Variants in EXOC6 observed in about 807,000 individuals in gnomAD.
EXOC6 encodes the protein SEC15-like 1.
Under a neutral mutation model 112.5 loss-of-function variants are expected in EXOC6, and 60 were observed. The observed-to-expected ratio is 0.53, with a 90% CI of 0.43 to 0.66. EXOC6 has a LOEUF of 0.66. Ranked by LOEUF, EXOC6 falls within the 30% of genes least tolerant of loss-of-function variation. The probability of loss-of-function intolerance (pLI) is 0.00; values close to 1 mark genes in which losing one functional copy is unlikely to be tolerated. For synonymous variants in EXOC6, 295 were observed against 308.0 expected (o/e 0.96, Z 0.44); for missense variants, 855 against 957.1 (o/e 0.89, Z 1.41).
intron 18 of EXOC6, among the ~76,000 whole-genome samples, chr10:92,980,306 A>G (rs1250124715): frequency 3.3e-5 from 5 of 152,198 alleles, no homozygotes; most frequent in Admixed American, 3.3e-4. Flanking sequence ...CAAAATGAGC[A>G]TAATCCATTT....
upstream of EXOC6, among the ~76,000 whole-genome samples, chr10:92,830,738 A>G (rs558632738): frequency 7.2e-5 from 11 of 152,332 alleles, no homozygotes; most frequent in African/African-American, 2.6e-4. Flanking sequence ...CACCCAGTTG[A>G]GAACCACTAG....
chr10:92,920,836 CAT>C (rs907428159), intron 8 of EXOC6, among the ~76,000 whole-genome samples: 6 of 152,096 alleles, frequency 3.9e-5, no homozygotes, highest in Admixed American at 3.3e-4. Flanking sequence ...TTAAAAAAAT[CAT>C]AAAATATCTT....
exon 1 of EXOC6, chr10:92,834,823 A>T (rs2133570583): frequency 1.3e-6 from 2 of 1,587,924 alleles, no homozygotes; most frequent in Middle Eastern, 1.7e-4. Context: ...AGCTACTTTA[A>T]GGTAGGGCAC....
At chr10:92,917,426 G>GAA (rs11393322) in intron 7 of EXOC6, among the ~76,000 whole-genome samples, 63 of 147,080 alleles carry the variant, frequency 4.3e-4, no homozygotes, top group Middle Eastern at 3.6e-3. Context: ...TCTTTTAATG[G>GAA]AAAAAAAAAA....
chr10:92,948,567 T>TACAACC (rs1312249445), intron 14 of EXOC6, among the ~76,000 whole-genome samples, 188 bp downstream of exon 14: 2 of 114,866 alleles, frequency 1.7e-5, no homozygotes, highest in Admixed American at 1.0e-4. Context: ...CTACTACTAC[T>TACAACC]ACTACCACTA....
At chr10:92,904,940 G>C (rs1302540753) in intron 5 of EXOC6, among the ~76,000 whole-genome samples, 1 of 151,798 alleles carries the variant, frequency 6.6e-6, no homozygotes, top group East Asian at 1.9e-4. Context: ...TTACATTTAG[G>C]TCTATGATCT....
At chr10:92,900,438 T>C (rs964083341) in intron 5 of EXOC6, 3 of 152,178 alleles carry the variant, frequency 2.0e-5, no homozygotes, top group African/African-American at 7.2e-5. Flanking sequence ...GTAAAAGATG[T>C]GTGTATGTCC....
At chr10:93,041,743 G>T (rs1845790426) in intron 20 of EXOC6, among the ~76,000 whole-genome samples, 1 of 151,062 alleles carries the variant, frequency 6.6e-6, no homozygotes, top group Non-Finnish European at 1.5e-5. Context: ...ATGGAGTCTT[G>T]CTCTATCTCC....
intron 5 of EXOC6, chr10:92,900,652 G>A (rs7915463): frequency 0.47 from 69,052 of 146,872 alleles, 17,086 homozygotes; most frequent in African/African-American, 0.64. Flanking sequence ...TTTCCTACGC[G>A]TTTGCTGCCA....
At chr10:93,038,892 G>A (rs1845639126) in intron 20 of EXOC6, among the ~76,000 whole-genome samples, 1 of 152,156 alleles carries the variant, frequency 6.6e-6, no homozygotes, top group Admixed American at 6.5e-5. Context: ...CGCACTTTAG[G>A]AAGTTATCAA....
intron 19 of EXOC6, among the ~76,000 whole-genome samples, chr10:93,000,332 G>A (rs1440221169): frequency 3.3e-5 from 5 of 152,096 alleles, no homozygotes; most frequent in Admixed American, 2.6e-4. Flanking sequence ...TTGACATTTG[G>A]AGAAAGGCCC....
intron 20 of EXOC6, among the ~76,000 whole-genome samples, chr10:93,050,704 G>GAGCCGAGA (rs759260911): frequency 7.6e-6 from 1 of 131,272 alleles, no homozygotes; most frequent in Non-Finnish European, 1.6e-5. Context: ...AGGTTGCAGT[G>GAGCCGAGA]AGCCGAGATC....
In EXOC6 at chr10:92,909,538, G is replaced by A. The variant is rs1181787511; in HGVS notation, c.570G>A (p.Glu190=). ...LMIENLPKLR[E]DIKEISMSDL... The stretch of plus-strand genomic sequence containing the variant: ...TAGAAAATCTTCCCAAACTCCGTGA[G>A]GATATTAAAGAAATCTCCATGTCTG... Residue 190 remains glutamate, a synonymous_variant, in exon 6 of 22, where the codon GAG becomes GAA. Transcript: ENST00000260762. The A allele has an allele frequency of 3.1e-6, 5 of 1,613,302 alleles. No individual in the cohort carries two copies. In the South Asian group the frequency reaches 4.4e-5, roughly 14 times the overall value.
intron 20 of EXOC6, among the ~76,000 whole-genome samples, chr10:93,018,169 T>G (rs1844628000): frequency 6.6e-6 from 1 of 152,020 alleles, no homozygotes; most frequent in Non-Finnish European, 1.5e-5. Context: ...ACAGACCATG[T>G]TTACATCTTA....
intron 5 of EXOC6, chr10:92,901,618 C>CTTTTT (rs549846022): frequency 6.3e-5 from 8 of 126,876 alleles, no homozygotes; most frequent in Admixed American, 5.6e-4. Context: ...CTCATTGTGC[C>CTTTTT]TTTTTTTTTT....
intron 1 of EXOC6, 75 bp downstream of exon 1, chr10:92,848,709 C>T (rs2133614122): frequency 8.9e-7 from 1 of 1,129,488 alleles, no homozygotes; most frequent in Non-Finnish European, 1.1e-6. Flanking sequence ...GGCGGGGCGT[C>T]CGCCGCCGGC....
At chr10:92,828,690 CTGTGTGTGTGTGTGTG>C (rs71028851) in intron 1 of EXOC6, among the ~76,000 whole-genome samples, 8,600 of 105,192 alleles carry the variant, frequency 0.082, 438 homozygotes, top group Middle Eastern at 0.11. Context: ...TTTTGTGTGT[CTGTGTGTGTGTGTGTG>C]TGTGTGTGTG....
chr10:92,848,566 C>A lies in EXOC6; in HGVS notation c.33C>A (p.Val11=). 1 of 1,448,804 alleles carries A rather than the reference C, an allele frequency of 6.9e-7. No homozygotes were observed. The highest frequency in any genetic ancestry group is 2.0e-5 in the Admixed American group (1 of 49,452). The allele number at this position is 1,448,804 out of a possible 1,614,324, so 89.7% of individuals were successfully genotyped here. Residue 11 remains valine, a synonymous_variant, in exon 1 of 22, where the codon GTC becomes GTA. Transcript: ENST00000260762. MAENSESLGT[V]PEHERILQEI... ...AGAACAGCGAGAGTCTGGGCACCGT[C>A]CCCGAGCACGAGCGGATCTTGCAGG...
In EXOC6 at chr10:92,848,530, CA is replaced by C; in HGVS notation, c.1del. The C allele has an allele frequency of 1.4e-6, 2 of 1,398,172 alleles. No homozygotes were observed. Among genetic ancestry groups the C allele is most frequent in the South Asian group, 1.3e-5 (1 of 76,274 alleles). The allele number at this position is 1,398,172 out of a possible 1,614,324, so 86.6% of individuals were successfully genotyped here. ...CCTCGCTGGCTCCTCAGCTTCCAGC[CA>C]AAATGGCGGAGAACAGCGAGAGTCT... On this transcript the variant is annotated 5_prime_UTR_variant, in exon 1 of 22. Coordinates refer to ENST00000260762, the MANE Select transcript of EXOC6 (RefSeq NM_019053.6).
Sources: gnomAD v4.1 joint callset for allele counts (sites outside exome capture counted in the v4.1 genomes callset) on GRCh38, gnomAD v4.1.1 for gene constraint, MANE v1.5 for transcripts, NCBI Gene and HGNC (gene_info 2026-07-23, HGNC 2026-07-21) for gene names.